The following MYRIP variants were observed in gnomAD, a reference collection of about 807,000 sequenced individuals.
The protein encoded by MYRIP is myosin VIIA and Rab interacting protein.
MYRIP carries 49 observed loss-of-function variants against 98.0 expected under a neutral mutation model. That is an observed-to-expected ratio of 0.50 (90% CI 0.40 to 0.63). The LOEUF (loss-of-function observed/expected upper bound fraction) is 0.63, where lower values mean the gene tolerates loss of function less well. Ranked by LOEUF, MYRIP falls within the 30% of genes least tolerant of loss-of-function variation. The pLI is 0.00. For missense variants in MYRIP, 1,004 were observed against 1,058.2 expected (o/e 0.95, Z 0.71); for synonymous variants, 404 against 409.5 (o/e 0.99, Z 0.16).
chr3:40,226,409 T>C (rs1219481403), intron 11 of MYRIP, among the ~76,000 whole-genome samples: 1 of 152,140 alleles, frequency 6.6e-6, no homozygotes, highest in Non-Finnish European at 1.5e-5. Flanking sequence ...TTGCACCTTA[T>C]ATGCTTTTAT....
At position 40,177,651 on chromosome 3, in the gene MYRIP, C is replaced by T. The variant is rs147787170; in HGVS notation, c.874-4569C>T. ...CTCTCTGCCAGTATGGGGGTCAGTG[C>T]GACCTGGCTTTCAAAGCCTTAAGAC... On this transcript the variant is annotated intron_variant, in intron 8 of 16. Coordinates refer to ENST00000302541, the MANE Select transcript of MYRIP (RefSeq NM_015460.4). 8.7e-4 allele frequency among the ~76,000 whole-genome samples: 133 copies of T among 152,298 alleles called. 1 individual carries two copies. Among genetic ancestry groups the T allele is most frequent in the African/African-American group, 3.1e-3 (127 of 41,552 alleles).
At chr3:40,070,423 A>G (rs1379730053) in intron 3 of MYRIP, among the ~76,000 whole-genome samples, 1 of 152,218 alleles carries the variant, frequency 6.6e-6, no homozygotes, top group Non-Finnish European at 1.5e-5. Context: ...TCATTTAACA[A>G]TAGTTCACCA....
chr3:40,174,307 C>T (rs745792292), intron 8 of MYRIP: 7 of 152,222 alleles, frequency 4.6e-5, no homozygotes, highest in Non-Finnish European at 7.3e-5. Flanking sequence ...AAGGAGGCTC[C>T]CTCCTGTCCT....
intron 3 of MYRIP, among the ~76,000 whole-genome samples, chr3:40,107,344 A>G (rs767357748): frequency 6.4e-4 from 97 of 152,304 alleles, no homozygotes; most frequent in Non-Finnish European, 1.3e-3. Flanking sequence ...CTAATTTTCA[A>G]CAAAGGACCC....
intron 2 of MYRIP, among the ~76,000 whole-genome samples, chr3:39,999,057 C>G (rs1946447433): frequency 6.6e-6 from 1 of 152,100 alleles, no homozygotes; most frequent in African/African-American, 2.4e-5. Flanking sequence ...AATGTAAGAC[C>G]TAAAAACCAT....
chr3:40,015,689 A>T (rs1946848460), intron 2 of MYRIP, among the ~76,000 whole-genome samples: 1 of 152,186 alleles, frequency 6.6e-6, no homozygotes, highest in East Asian at 1.9e-4. Context: ...TTCCTCCCTC[A>T]GCCCTCAGTG....
At position 39,821,988 on chromosome 3, in the gene MYRIP, T is replaced by C. The variant is rs76887173; in HGVS notation, c.-31+12072T>C. Among the ~76,000 whole-genome samples, 1,490 of 152,312 alleles carry C rather than the reference T, an allele frequency of 9.8e-3. 18 individuals carry two copies. Among genetic ancestry groups the C allele is most frequent in the African/African-American group, 0.034 (1,413 of 41,568 alleles). ...TTTTAACTGATTTTTTGCAGTTTGG[T>C]TAATCAGTTATTGAAGGAGAAGTAT... On this transcript the variant is annotated intron_variant, in intron 1 of 16. Coordinates refer to ENST00000302541, the MANE Select transcript of MYRIP (RefSeq NM_015460.4).
intron 2 of MYRIP, among the ~76,000 whole-genome samples, chr3:40,007,026 G>A (rs1442456371): frequency 6.6e-6 from 1 of 152,178 alleles, no homozygotes; most frequent in Non-Finnish European, 1.5e-5. Context: ...GCCCAGCTAA[G>A]TGATCATTGC....
At chr3:39,821,318 C>A (rs903070192) in intron 1 of MYRIP, among the ~76,000 whole-genome samples, 14 of 149,750 alleles carry the variant, frequency 9.3e-5, no homozygotes, top group African/African-American at 3.4e-4. Flanking sequence ...CACTGCCCAC[C>A]CCCGACCCCT....
At chr3:40,215,542 T>C (rs1952091959) in intron 11 of MYRIP, among the ~76,000 whole-genome samples, 1 of 152,192 alleles carries the variant, frequency 6.6e-6, no homozygotes, top group African/African-American at 2.4e-5. Context: ...GCAGATTTAT[T>C]GACTGTTGTC....
At chr3:39,833,890 A>G (rs1418037308) in intron 1 of MYRIP, among the ~76,000 whole-genome samples, 1 of 152,158 alleles carries the variant, frequency 6.6e-6, no homozygotes, top group Non-Finnish European at 1.5e-5. Flanking sequence ...TTAGCTGGGC[A>G]TGGTGGCAGG....
At chr3:39,846,604 T>C (rs1028414432) in intron 1 of MYRIP, among the ~76,000 whole-genome samples, 5 of 152,186 alleles carry the variant, frequency 3.3e-5, no homozygotes, top group African/African-American at 4.8e-5. Flanking sequence ...CACCTCTATA[T>C]AGCAAAACAA....
intron 8 of MYRIP, among the ~76,000 whole-genome samples, chr3:40,175,009 G>A (rs4676577): frequency 0.084 from 12,836 of 152,100 alleles, 1,119 homozygotes; most frequent in African/African-American, 0.21. Flanking sequence ...CGGGCATGGT[G>A]GTGGGTGCCT....
At chr3:40,255,435 T>C (rs1953548544) in intron 16 of MYRIP, among the ~76,000 whole-genome samples, 1 of 152,234 alleles carries the variant, frequency 6.6e-6, no homozygotes. Context: ...GTTTATTTTA[T>C]GTTATGTGGC....
intron 2 of MYRIP, among the ~76,000 whole-genome samples, chr3:39,958,461 A>G (rs1028114346): frequency 3.9e-5 from 6 of 152,192 alleles, no homozygotes; most frequent in African/African-American, 1.4e-4. Flanking sequence ...GGTGCTGGGA[A>G]AACTGGCTAG....
rs192111337 is a variant in MYRIP, at chr3:39,986,992, T to C, written c.111-57058T>C. Among the ~76,000 whole-genome samples the C allele has an allele frequency of 2.5e-3, 385 of 152,256 alleles. 9 individuals are homozygous for C. Among genetic ancestry groups the C allele is most frequent in the Non-Finnish European group, 2.6e-4 (18 of 68,026 alleles). On this transcript the variant is annotated intron_variant, in intron 2 of 16. Coordinates refer to ENST00000302541, the MANE Select transcript of MYRIP (RefSeq NM_015460.4). The stretch of plus-strand genomic sequence containing the variant: ...CAAGATTCCCTGTTTCATATTCTGC[T>C]CTTTATTATTATTATTTTTTAAGTT...
intron 1 of MYRIP, among the ~76,000 whole-genome samples, chr3:39,884,793 C>A (rs1306881246): frequency 6.9e-6 from 1 of 144,448 alleles, no homozygotes; most frequent in African/African-American, 2.6e-5. Flanking sequence ...CATTGTATGG[C>A]TATACAGTCA....
intron 1 of MYRIP, among the ~76,000 whole-genome samples, chr3:39,895,632 A>G (rs914662691): frequency 2.0e-5 from 3 of 152,190 alleles, no homozygotes; most frequent in Non-Finnish European, 4.4e-5. Context: ...AAGAACTAAT[A>G]TTGTAAAGAT....
intron 2 of MYRIP, among the ~76,000 whole-genome samples, chr3:39,981,206 C>T (rs532961332): frequency 1.3e-5 from 2 of 152,074 alleles, no homozygotes; most frequent in Non-Finnish European, 2.9e-5. Flanking sequence ...GAAATTGGCC[C>T]AGAGTTAAAG....
Sources: allele counts gnomAD v4.1 joint callset (sites outside exome capture counted in the v4.1 genomes callset), GRCh38; gene constraint gnomAD v4.1.1; transcripts MANE v1.5; gene names NCBI Gene and HGNC (gene_info 2026-07-23, HGNC 2026-07-21).